The following SRPK2 variants were observed in gnomAD, a reference collection of about 807,000 sequenced individuals.
The protein encoded by SRPK2 is SRSF protein kinase 2.
SRPK2 carries 21 observed loss-of-function variants against 90.8 expected under a neutral mutation model. The observed-to-expected ratio is 0.23, with a 90% CI of 0.16 to 0.33. The LOEUF (loss-of-function observed/expected upper bound fraction) is 0.33, where lower values mean the gene tolerates loss of function less well. Among genes scored for constraint, SRPK2 ranks in the 10% least tolerant of loss-of-function variants. The pLI is 1.00. For synonymous variants in SRPK2, 288 were observed against 311.1 expected (o/e 0.93, Z 0.78); for missense variants, 620 against 869.0 (o/e 0.71, Z 3.60).
At chr7:105,341,987 G>C (rs1563261187) in intron 2 of SRPK2, among the ~76,000 whole-genome samples, 1 of 150,750 alleles carries the variant, frequency 6.6e-6, no homozygotes, top group Non-Finnish European at 1.5e-5. Context: ...ATAAGGGCTG[G>C]GCAGGGTGAC....
intron 3 of SRPK2, among the ~76,000 whole-genome samples, chr7:105,194,659 A>G (rs1794699859): frequency 6.6e-6 from 1 of 152,242 alleles, no homozygotes; most frequent in Admixed American, 6.5e-5. Context: ...AATATTATTA[A>G]GGCGTATCTA....
At chr7:105,256,787 C>G (rs1803375800) in intron 2 of SRPK2, among the ~76,000 whole-genome samples, 1 of 152,232 alleles carries the variant, frequency 6.6e-6, no homozygotes, top group African/African-American at 2.4e-5. Flanking sequence ...AGCCGATCAG[C>G]ACCCACATCT....
rs946360910 is a variant in SRPK2 at position 105,358,927 on chromosome 7, C to G, written c.71+29721G>C. 1.1e-4 allele frequency among the ~76,000 whole-genome samples: 16 copies of G among 148,370 alleles called. No homozygotes were observed. In the East Asian group the frequency reaches 1.4e-3, roughly 13 times the overall value. Reference sequence around the variant, plus strand: ...CTGGAAGAAAGGGGTGCTAAGAACACAGAGAGAGAGAGAGAGAGAGAAAGC... The same window carrying G: ...CTGGAAGAAAGGGGTGCTAAGAACAGAGAGAGAGAGAGAGAGAGAGAAAGC... On this transcript the variant is annotated intron_variant, in intron 2 of 15. Transcript: ENST00000393651.
intron 15 of SRPK2, among the ~76,000 whole-genome samples, chr7:105,120,721 A>G (rs936178612): frequency 1.3e-5 from 2 of 152,176 alleles, no homozygotes; most frequent in Admixed American, 1.3e-4. Flanking sequence ...AGGAAAATCA[A>G]CTCACCCAGA....
chr7:105,230,623 T>C (rs987777119), intron 2 of SRPK2, among the ~76,000 whole-genome samples: 2 of 152,156 alleles, frequency 1.3e-5, no homozygotes, highest in Non-Finnish European at 2.9e-5. Context: ...CCACTCACAT[T>C]TGTCCCGGTT....
At chr7:105,133,143 T>C in intron 11 of SRPK2, 39 bp from the exon 12 acceptor site, 1 of 1,599,214 alleles carries the variant, frequency 6.3e-7, no homozygotes, top group Non-Finnish European at 8.6e-7. Flanking sequence ...GTGATCGGGA[T>C]AGGTGGTTTG....
chr7:105,273,230 A>G (rs1014917424), intron 2 of SRPK2, among the ~76,000 whole-genome samples: 3 of 151,746 alleles, frequency 2.0e-5, no homozygotes, highest in Admixed American at 6.6e-5. Flanking sequence ...AAAAAAAGAA[A>G]AAAGAATTAT....
intron 3 of SRPK2, among the ~76,000 whole-genome samples, chr7:105,187,310 T>C (rs1793712696): frequency 6.6e-6 from 1 of 152,186 alleles, no homozygotes; most frequent in Non-Finnish European, 1.5e-5. Flanking sequence ...ACTCAAACCT[T>C]ATCTCTTCTG....
intron 2 of SRPK2, among the ~76,000 whole-genome samples, chr7:105,338,234 T>A (rs1390023175): frequency 6.6e-6 from 1 of 152,144 alleles, no homozygotes; most frequent in Non-Finnish European, 1.5e-5. Flanking sequence ...GTAAAAATTG[T>A]TACAAGTTTT....
upstream of SRPK2, among the ~76,000 whole-genome samples, chr7:105,389,889 C>CA (rs1173195384): frequency 1.3e-5 from 2 of 152,184 alleles, no homozygotes; most frequent in Admixed American, 6.5e-5. Context: ...GTATCTTTGA[C>CA]AAGGTGGCTT....
intron 2 of SRPK2, among the ~76,000 whole-genome samples, chr7:105,282,170 C>T (rs1394549178): frequency 6.6e-6 from 1 of 152,116 alleles, no homozygotes; most frequent in African/African-American, 2.4e-5. Flanking sequence ...TAAACCCTCA[C>T]ATTACAATCA....
intron 2 of SRPK2, among the ~76,000 whole-genome samples, chr7:105,292,239 G>T (rs1809132152): frequency 6.6e-6 from 1 of 152,086 alleles, no homozygotes; most frequent in South Asian, 2.1e-4. Flanking sequence ...GGGTGTGGTG[G>T]CTCACACCTG....
chr7:105,393,440 A>G (rs911466137), upstream of SRPK2, among the ~76,000 whole-genome samples: 10 of 75,474 alleles, frequency 1.3e-4, no homozygotes, highest in Non-Finnish European at 2.6e-4. Context: ...AGGAGCTTTT[A>G]TTTCTCCCTC....
chr7:105,319,737 G>A (rs1204180654), intron 2 of SRPK2, among the ~76,000 whole-genome samples: 3 of 152,064 alleles, frequency 2.0e-5, no homozygotes, highest in Admixed American at 1.3e-4. Flanking sequence ...TCCAGCAGCC[G>A]TACTTTAACC....
intron 2 of SRPK2, among the ~76,000 whole-genome samples, chr7:105,386,834 C>G (rs931536608): frequency 2.0e-5 from 3 of 152,166 alleles, no homozygotes; most frequent in African/African-American, 7.2e-5. Context: ...AGAGCCAGTT[C>G]GTTTCATCAT....
At position 105,157,122 on chromosome 7, in the gene SRPK2, A is replaced by G. The variant is rs114397165; in HGVS notation, c.621+3385T>C. ...CAGAGAGCCAAGAAAAGCCTGTGAA[A>G]AGGTACTAGCTGGAGGTGATAAGGG... On this transcript the variant is annotated intron_variant, in intron 7 of 15. Coordinates refer to ENST00000393651, the MANE Select transcript of SRPK2 (RefSeq NM_182692.3). Among the ~76,000 whole-genome samples, 538 of 152,304 alleles carry G rather than the reference A, an allele frequency of 3.5e-3. 2 individuals carry two copies. Among genetic ancestry groups the G allele is most frequent in the African/African-American group, 0.012 (513 of 41,560 alleles).
intron 7 of SRPK2, among the ~76,000 whole-genome samples, chr7:105,159,606 G>A (rs764764427): frequency 6.6e-6 from 1 of 152,006 alleles, no homozygotes; most frequent in Non-Finnish European, 1.5e-5. Flanking sequence ...GCAATGAGTA[G>A]AATACATACT....
At chr7:105,268,619 T>C (rs781024160) in intron 2 of SRPK2, among the ~76,000 whole-genome samples, 1 of 152,136 alleles carries the variant, frequency 6.6e-6, no homozygotes, top group Non-Finnish European at 1.5e-5. Flanking sequence ...CTATTTTTCT[T>C]AAAAAAATCA....
At chr7:105,252,736 CTTTTTTTTTTCTT>C (rs1363366232) in intron 2 of SRPK2, among the ~76,000 whole-genome samples, 7 of 126,804 alleles carry the variant, frequency 5.5e-5, no homozygotes, top group Non-Finnish European at 9.8e-5. Flanking sequence ...TCTTTCTTTT[CTTTTTTTTTTCTT>C]TTTTTTTTTT....
Sources: allele counts gnomAD v4.1 joint callset (sites outside exome capture counted in the v4.1 genomes callset), GRCh38; gene constraint gnomAD v4.1.1; transcripts MANE v1.5; gene names NCBI Gene and HGNC (gene_info 2026-07-23, HGNC 2026-07-21).